ZNF695: variants seen among roughly 807,000 people sequenced by gnomAD.
ZNF695 encodes zinc finger protein 695.
A neutral mutation model predicts 11.2 loss-of-function variants in ZNF695; 11 were observed. The observed-to-expected ratio is 0.98, with a 90% CI of 0.62 to 1.62. ZNF695 has a LOEUF of 1.62. Ranked by LOEUF, ZNF695 falls within the 40% of genes most tolerant of loss-of-function variation. ZNF695 has a pLI of 0.00. For missense variants in ZNF695, 559 were observed against 590.5 expected, an observed-to-expected ratio of 0.95 and a Z score of 0.55; for synonymous variants, 190 against 201.4, an observed-to-expected ratio of 0.94 and a Z score of 0.48.
At chr1:246,996,916 A>T (rs541488824) in intron 3 of ZNF695, among the ~76,000 whole-genome samples, 2 of 152,348 alleles carry the variant, frequency 1.3e-5, no homozygotes, top group Non-Finnish European at 2.9e-5. Context: ...CTGCAAGTAG[A>T]TTTATCTGTA....
intron 5 of ZNF695, among the ~76,000 whole-genome samples, chr1:246,963,110 G>A (rs572587967): frequency 1.8e-4 from 27 of 152,174 alleles, no homozygotes; most frequent in Admixed American, 1.7e-3. Flanking sequence ...GTCCATTTCC[G>A]ATCATGTCAC....
At chr1:246,991,894 A>G (rs1220167183) in intron 3 of ZNF695, among the ~76,000 whole-genome samples, 1 of 152,176 alleles carries the variant, frequency 6.6e-6, no homozygotes, top group Admixed American at 6.5e-5. Flanking sequence ...CAAATGGATA[A>G]AGATAATGTA....
chr1:246,951,929 T>C (rs572852263), intron 5 of ZNF695, among the ~76,000 whole-genome samples: 8 of 152,338 alleles, frequency 5.3e-5, no homozygotes, highest in Non-Finnish European at 1.0e-4. Context: ...TTCATCTTTG[T>C]TTACTGTCTG....
rs184011133 is a variant in ZNF695, at chr1:246,976,719, G to A, written c.391-8927C>T. On this transcript the variant is annotated intron_variant, in intron 4 of 5. Transcript: ENST00000487338. ...TGAGGCAGAAGAATGGCATGAACCC[G>A]GGAGGCAGAGCTTGCAGTGTGCTGA... Among the ~76,000 whole-genome samples, 31 of 152,208 alleles carry A rather than the reference G, an allele frequency of 2.0e-4. No homozygotes were observed. The East Asian group carries it at 3.5e-3, about 17-fold the overall frequency.
chr1:246,962,050 A>G (rs1668176159), intron 5 of ZNF695, among the ~76,000 whole-genome samples: 1 of 152,240 alleles, frequency 6.6e-6, no homozygotes, highest in African/African-American at 2.4e-5. Flanking sequence ...CTTTAAGGAA[A>G]TCCATGTGTA....
chr1:246,985,772 A>G lies in ZNF695; in HGVS notation c.*1195T>C. The G allele has an allele frequency of 7.1e-6, 7 of 983,290 alleles. No homozygotes were observed. Among genetic ancestry groups the G allele is most frequent in the Non-Finnish European group, 8.5e-6 (7 of 827,952 alleles). The allele number at this position is 983,290 out of a possible 1,614,324, so 60.9% of individuals were successfully genotyped here. A position where few individuals can be genotyped will look rare whatever the true frequency, so the allele number is the denominator to read the frequency against. Reference sequence around the variant, plus strand: ...GAATAGTACTCTGAAGACCTATCTCATGAATCACTTACAACCCTATTATAA... The same window carrying G: ...GAATAGTACTCTGAAGACCTATCTCGTGAATCACTTACAACCCTATTATAA... On this transcript the variant is annotated 3_prime_UTR_variant, in exon 4 of 4. Transcript: ENST00000339986.
chr1:246,979,949 T>G (rs1198934862), intron 4 of ZNF695: 1 of 151,786 alleles, frequency 6.6e-6, no homozygotes, highest in Admixed American at 6.6e-5. Context: ...GACAGGCGGA[T>G]CACGAGGTCA....
intron 5 of ZNF695, among the ~76,000 whole-genome samples, chr1:246,950,682 C>A (rs1418725877): frequency 6.8e-6 from 1 of 147,332 alleles, no homozygotes; most frequent in East Asian, 2.0e-4. Flanking sequence ...AAAAAATCCA[C>A]CCAATATAGA....
rs1028924976 is a variant in ZNF695, at chr1:246,985,390, A to C, written c.*1577T>G. On this transcript the variant is annotated 3_prime_UTR_variant, in exon 4 of 4. Coordinates refer to ENST00000339986, the MANE Select transcript of ZNF695 (RefSeq NM_020394.5). ...TGACACTGTCATTACAAAAAGAGCA[A>C]ACAGAATGAAGGTGTAACGTGTGGG... 1.1e-5 allele frequency: 11 copies of C among 985,250 alleles called. No homozygotes were observed. The African/African-American group carries it at 1.9e-4, about 17-fold the overall frequency. The allele number at this position is 985,250 out of a possible 1,614,324, so 61.0% of individuals were successfully genotyped here.
chr1:247,001,703 A>C (rs1669389348), intron 1 of ZNF695, among the ~76,000 whole-genome samples: 1 of 123,678 alleles, frequency 8.1e-6, no homozygotes, highest in African/African-American at 3.2e-5. Context: ...ACAGAGCAAG[A>C]CTTCGTCTCA....
chr1:246,986,178 C>G lies in ZNF695; in HGVS notation c.*789G>C. On this transcript the variant is annotated 3_prime_UTR_variant, in exon 4 of 4. Coordinates refer to ENST00000339986, the MANE Select transcript of ZNF695 (RefSeq NM_020394.5). ...TCAACCTCCAGGCTCAAGCAATCCT[C>G]CCACCTGAGCCTTCCAAGTAGCTGG... The G allele has an allele frequency of 3.8e-6, 2 of 521,370 alleles. No individual in the cohort carries two copies. The highest frequency in any genetic ancestry group is 4.9e-6 in the Non-Finnish European group (2 of 406,188). The allele number at this position is 521,370 out of a possible 1,614,324, so 32.3% of individuals were successfully genotyped here. A position where few individuals can be genotyped will look rare whatever the true frequency, so the allele number is the denominator to read the frequency against.
At chr1:246,953,848 C>G (rs540399696) in intron 5 of ZNF695, among the ~76,000 whole-genome samples, 11 of 151,800 alleles carry the variant, frequency 7.2e-5, no homozygotes, top group Admixed American at 7.2e-4. Context: ...ATCACTTGAA[C>G]CCAGGAGATG....
intron 5 of ZNF695, among the ~76,000 whole-genome samples, chr1:246,960,451 T>C (rs183862195): frequency 1.1e-4 from 16 of 152,270 alleles, no homozygotes; most frequent in Non-Finnish European, 2.2e-4. Context: ...GTAAAAACAG[T>C]TGGTATTGTG....
rs755121920 is a variant in ZNF695, at chr1:246,999,987, C to T, written c.91G>A (p.Asp31Asn). The stretch of plus-strand genomic sequence containing the variant: ...TTTCTGTAGTTCTCTAACATCACAT[C>T]CCTATACAAACTCCGCTGAGCTGGG... ...LDPAQRSLYR[D>N]VMLENYRNLI... is the part of the protein sequence containing the mutation. Residue 31 changes from aspartate (D) to asparagine (N), a missense_variant, in exon 2 of 4, where the codon GAT (aspartate) becomes AAT (asparagine). Coordinates refer to ENST00000339986, the MANE Select transcript of ZNF695 (RefSeq NM_020394.5). 1.2e-6 allele frequency: 2 copies of T among 1,614,146 alleles called. No homozygotes were observed. Among genetic ancestry groups the T allele is most frequent in the South Asian group, 1.1e-5 (1 of 91,086 alleles).
At chr1:247,007,829 G>A in intron 1 of ZNF695, 77 bp downstream of exon 1, 2 of 1,456,726 alleles carry the variant, frequency 1.4e-6, no homozygotes, top group South Asian at 2.9e-5. Context: ...GGGGCCGCCA[G>A]CGCTGGTTCC....
In ZNF695 at chr1:246,985,927, T is replaced by C; in HGVS notation, c.*1040A>G. The C allele has an allele frequency of 1.0e-6, 1 of 985,468 alleles. No individual in the cohort carries two copies. Among genetic ancestry groups the C allele is most frequent in the Non-Finnish European group, 1.2e-6 (1 of 829,934 alleles). The allele number at this position is 985,468 out of a possible 1,614,324, so 61.0% of individuals were successfully genotyped here. A position where few individuals can be genotyped will look rare whatever the true frequency, so the allele number is the denominator to read the frequency against. ...AGAAGAAACTCTCACAGCTTTCATG[T>C]AGCAACAGTAGGCCTCATGCCTTCA... On this transcript the variant is annotated 3_prime_UTR_variant, in exon 4 of 4. Transcript: ENST00000339986.
rs750129129 is a variant in ZNF695, at chr1:246,988,142, T to G, written c.373A>C (p.Arg125=). 1.9e-6 allele frequency: 3 copies of G among 1,613,868 alleles called. No homozygotes were observed. Among genetic ancestry groups the G allele is most frequent in the Non-Finnish European group, 1.7e-6 (2 of 1,179,842 alleles). ...TCACCCACAATTTCCCAGTCATTCC[T>G]TAAGCGTAATTTCTCAAGACAACAT... ...ERCCLEKLRL[R]NDWEIVGEWK... is the part of the protein sequence containing the mutation. Residue 125 remains arginine (R), a synonymous_variant, in exon 4 of 4, where the codon AGG becomes CGG. Coordinates refer to ENST00000339986, the MANE Select transcript of ZNF695 (RefSeq NM_020394.5).
chr1:246,991,687 C>T (rs1362496896), intron 3 of ZNF695, among the ~76,000 whole-genome samples: 2 of 152,100 alleles, frequency 1.3e-5, no homozygotes, highest in Admixed American at 1.3e-4. Flanking sequence ...TAAATTAGTA[C>T]CACCACTATG....
chr1:246,989,111 C>T (rs1263935303), intron 3 of ZNF695, among the ~76,000 whole-genome samples: 8 of 124,500 alleles, frequency 6.4e-5, no homozygotes, highest in African/African-American at 2.1e-4. Flanking sequence ...AAAAAAAAAA[C>T]GACATTAATT....
Sources: gnomAD v4.1 joint callset for allele counts (sites outside exome capture counted in the v4.1 genomes callset) on GRCh38, gnomAD v4.1.1 for gene constraint, MANE v1.5 for transcripts, NCBI Gene and HGNC (gene_info 2026-07-23, HGNC 2026-07-21) for gene names.